Variants in ADGRL3 observed in about 807,000 individuals in gnomAD.
The protein encoded by ADGRL3 is calcium-independent alpha-latrotoxin receptor 3.
ADGRL3 carries 62 observed loss-of-function variants against 153.5 expected under a neutral mutation model. The observed-to-expected ratio is 0.40, with a 90% CI of 0.33 to 0.50. ADGRL3 has a LOEUF of 0.50. Among genes scored for constraint, ADGRL3 ranks in the 20% least tolerant of loss-of-function variants. The pLI, the probability that ADGRL3 is intolerant of heterozygous loss-of-function variation, is 0.47. For missense variants in ADGRL3, 1,641 were observed against 1,859.4 expected (o/e 0.88, Z 2.16); for synonymous variants, 710 against 672.5 (o/e 1.06, Z -0.86).
At chr4:61,207,740 TCTAA>T (rs1192909468) in intron 1 of ADGRL3, among the ~76,000 whole-genome samples, 1 of 152,188 alleles carries the variant, frequency 6.6e-6, no homozygotes, top group Non-Finnish European at 1.5e-5. Context: ...TGATCACCAT[TCTAA>T]CTGTCATGAG....
At chr4:61,645,566 A>T (rs531339830) in intron 5 of ADGRL3, among the ~76,000 whole-genome samples, 40 of 152,200 alleles carry the variant, frequency 2.6e-4, no homozygotes, top group African/African-American at 9.4e-4. Flanking sequence ...GCTGGATATG[A>T]AATTCTGGGT....
intron 5 of ADGRL3, among the ~76,000 whole-genome samples, chr4:61,645,909 A>G (rs1192250102): frequency 1.3e-5 from 2 of 152,098 alleles, no homozygotes; most frequent in Non-Finnish European, 2.9e-5. Context: ...TCTCCCCATC[A>G]CTTTCAGGTA....
At chr4:61,467,404 C>A (rs1208773669) in intron 2 of ADGRL3, among the ~76,000 whole-genome samples, 1 of 151,594 alleles carries the variant, frequency 6.6e-6, no homozygotes, top group South Asian at 2.1e-4. Flanking sequence ...GGGTCTGATA[C>A]TCTAGAAATA....
intron 4 of ADGRL3, among the ~76,000 whole-genome samples, chr4:61,519,320 C>T (rs1340812019): frequency 1.3e-5 from 2 of 151,548 alleles, no homozygotes; most frequent in Non-Finnish European, 2.9e-5. Context: ...GGTTTTAAGT[C>T]ACATTTTTAA....
In ADGRL3 at chr4:61,962,137, G is replaced by T. The variant is rs368043382; in HGVS notation, c.2805+13861G>T. On this transcript the variant is annotated intron_variant, in intron 17 of 26. Transcript: ENST00000683033. The stretch of plus-strand genomic sequence containing the variant: ...GCCTATAGTCTCAGCTACTCAGGAG[G>T]GTGAGGCAGGAAAATTGCTTGAACC... Among the ~76,000 whole-genome samples the T allele has an allele frequency of 3.3e-5, 5 of 152,038 alleles. 1 individual carries two copies. The highest frequency in any genetic ancestry group is 1.2e-4 in the African/African-American group (5 of 41,486).
At chr4:61,719,891 C>T (rs975102445) in intron 6 of ADGRL3, among the ~76,000 whole-genome samples, 6 of 152,012 alleles carry the variant, frequency 3.9e-5, no homozygotes, top group Non-Finnish European at 7.4e-5. Flanking sequence ...GCCTGAGCCA[C>T]CGCTCCCGCC....
intron 17 of ADGRL3, among the ~76,000 whole-genome samples, chr4:61,949,733 T>C: frequency 6.6e-6 from 1 of 152,122 alleles, no homozygotes; most frequent in Non-Finnish European, 1.5e-5. Flanking sequence ...CTTCATAGTT[T>C]TTTAAAATGT....
rs144943311 is a variant in ADGRL3 at position 61,784,733 on chromosome 4, G to A, written c.1400-29076G>A. ...GCTTTTAGGAAGAATGTCAAAATGT[G>A]AGAGTTGGTTCACAGGAGGATGCCT... On this transcript the variant is annotated intron_variant, in intron 8 of 26. Transcript: ENST00000683033. Among the ~76,000 whole-genome samples, 387 of 152,264 alleles carry A rather than the reference G, an allele frequency of 2.5e-3. 1 individual carries two copies. Among genetic ancestry groups the A allele is most frequent in the African/African-American group, 8.9e-3 (368 of 41,556 alleles).
intron 4 of ADGRL3, among the ~76,000 whole-genome samples, chr4:61,522,821 A>C (rs749697439): frequency 6.6e-6 from 1 of 152,108 alleles, no homozygotes; most frequent in Non-Finnish European, 1.5e-5. Context: ...CTTCAGCCAC[A>C]TGGAGGTTGC....
At chr4:61,692,998 A>C (rs199637600) in intron 6 of ADGRL3, among the ~76,000 whole-genome samples, 1 of 152,116 alleles carries the variant, frequency 6.6e-6, no homozygotes, top group East Asian at 1.9e-4. Context: ...AAGTAACCAA[A>C]TTACTTTGAT....
At chr4:61,963,864 C>A (rs1018748429) in intron 17 of ADGRL3, among the ~76,000 whole-genome samples, 1 of 152,018 alleles carries the variant, frequency 6.6e-6, no homozygotes, top group Non-Finnish European at 1.5e-5. Flanking sequence ...TAGTGAGAAA[C>A]GTTTTGTAAG....
At chr4:61,467,489 TGAGA>T (rs140479884) in intron 2 of ADGRL3, among the ~76,000 whole-genome samples, 24 of 149,646 alleles carry the variant, frequency 1.6e-4, no homozygotes, top group Admixed American at 6.7e-4. Flanking sequence ...TGTGTGTGTG[TGAGA>T]GAGAGAGAGA....
chr4:61,527,261 A>G (rs575163897), intron 4 of ADGRL3, among the ~76,000 whole-genome samples: 1 of 152,162 alleles, frequency 6.6e-6, no homozygotes, highest in East Asian at 1.9e-4. Flanking sequence ...ATTTCATTTC[A>G]TTTATATTAA....
chr4:61,226,127 TG>T (rs1472714936), intron 1 of ADGRL3, among the ~76,000 whole-genome samples: 37 of 152,128 alleles, frequency 2.4e-4, no homozygotes, highest in East Asian at 5.8e-4. Flanking sequence ...AATTCTCTAT[TG>T]TTTTTTTTTC....
intron 13 of ADGRL3, 28 bp from the exon 14 acceptor site, chr4:61,934,812 C>G: frequency 6.3e-7 from 1 of 1,593,154 alleles, no homozygotes; most frequent in South Asian, 1.1e-5. Context: ...CACTAGAGAC[C>G]TCTGTCATTC....
chr4:61,788,925 A>G (rs1465648529), intron 8 of ADGRL3, among the ~76,000 whole-genome samples: 2 of 152,168 alleles, frequency 1.3e-5, no homozygotes, highest in Admixed American at 1.3e-4. Context: ...TTTAAAACCA[A>G]TTATGGAATC....
At chr4:61,354,400 A>G (rs1486768371) in intron 1 of ADGRL3, among the ~76,000 whole-genome samples, 1 of 152,154 alleles carries the variant, frequency 6.6e-6, no homozygotes, top group Non-Finnish European at 1.5e-5. Context: ...TAAATTGTTT[A>G]AAAAATATGT....
intron 15 of ADGRL3, among the ~76,000 whole-genome samples, chr4:61,938,153 C>T (rs918731398): frequency 3.9e-5 from 6 of 152,052 alleles, no homozygotes; most frequent in Admixed American, 2.6e-4. Context: ...TGGTAACTCA[C>T]GGTGGGATGG....
At chr4:61,467,992 A>C (rs1257934279) in intron 2 of ADGRL3, among the ~76,000 whole-genome samples, 1 of 152,168 alleles carries the variant, frequency 6.6e-6, no homozygotes, top group Admixed American at 6.5e-5. Flanking sequence ...GTGCTAGGGT[A>C]GCAATAAATA....
Sources: allele counts gnomAD v4.1 joint callset (sites outside exome capture counted in the v4.1 genomes callset), GRCh38; gene constraint gnomAD v4.1.1; transcripts MANE v1.5; gene names NCBI Gene and HGNC (gene_info 2026-07-23, HGNC 2026-07-21).